The following VWC2L variants were observed in gnomAD, a reference collection of about 807,000 sequenced individuals.
VWC2L encodes the protein von Willebrand factor C domain-containing protein 2-like.
VWC2L carries 10 observed loss-of-function variants against 21.6 expected under a neutral mutation model. That is an observed-to-expected ratio of 0.46 (90% CI 0.29 to 0.78). VWC2L has a LOEUF of 0.78. Among genes scored for constraint, VWC2L ranks in the 30% least tolerant of loss-of-function variants. The pLI is 0.10. For missense variants in VWC2L, 209 were observed against 277.1 expected, an observed-to-expected ratio of 0.75 and a Z score of 1.74; for synonymous variants, 96 against 94.3, an observed-to-expected ratio of 1.02 and a Z score of -0.10.
At chr2:214,563,583 C>CAAAAAAAAAAAAAAAAAAAAA (rs1328331072) in intron 3 of VWC2L, among the ~76,000 whole-genome samples, 1 of 95,974 alleles carries the variant, frequency 1.0e-5, no homozygotes, top group African/African-American at 4.3e-5. Context: ...AAAAAAAAAT[C>CAAAAAAAAAAAAAAAAAAAAA]AAGTGGTTCT....
intron 3 of VWC2L, among the ~76,000 whole-genome samples, chr2:214,567,155 G>T (rs1319318564): frequency 1.3e-5 from 2 of 152,258 alleles, no homozygotes; most frequent in Non-Finnish European, 2.9e-5. Context: ...GCCAAAAATT[G>T]CTATACTCAA....
intron 3 of VWC2L, among the ~76,000 whole-genome samples, chr2:214,498,548 T>A (rs1260408789): frequency 2.0e-5 from 3 of 151,956 alleles, no homozygotes; most frequent in African/African-American, 4.8e-5. Flanking sequence ...GATTTTGAAA[T>A]GCTATATGAA....
intron 3 of VWC2L, among the ~76,000 whole-genome samples, chr2:214,565,102 G>A (rs1690042083): frequency 6.6e-6 from 1 of 152,154 alleles, no homozygotes; most frequent in Non-Finnish European, 1.5e-5. Flanking sequence ...TCAGCTGGAA[G>A]TTGTACTTCA....
chr2:214,533,709 A>C (rs1332535730), intron 3 of VWC2L, among the ~76,000 whole-genome samples: 1 of 152,166 alleles, frequency 6.6e-6, no homozygotes, highest in Non-Finnish European at 1.5e-5. Context: ...GAATTTCCCT[A>C]GTCATAAACA....
chr2:214,460,022 C>T (rs1476813974), intron 3 of VWC2L, among the ~76,000 whole-genome samples: 4 of 150,740 alleles, frequency 2.7e-5, no homozygotes, highest in African/African-American at 7.4e-5. Flanking sequence ...ACTCTCCTGC[C>T]TCAGCCTCGC....
intron 3 of VWC2L, among the ~76,000 whole-genome samples, chr2:214,460,623 T>C (rs1444378377): frequency 6.6e-6 from 1 of 152,198 alleles, no homozygotes; most frequent in Non-Finnish European, 1.5e-5. Context: ...CATTTGGTTC[T>C]TTTTTATAAC....
chr2:214,422,035 G>A (rs76212756), intron 2 of VWC2L, among the ~76,000 whole-genome samples: 23,115 of 149,392 alleles, frequency 0.15, 1,867 homozygotes, highest in East Asian at 0.24. Flanking sequence ...GATTACAGGC[G>A]CGTGCCACCA....
intron 3 of VWC2L, among the ~76,000 whole-genome samples, chr2:214,565,543 A>G (rs549735213): frequency 2.6e-5 from 4 of 152,338 alleles, no homozygotes; most frequent in South Asian, 4.1e-4. Context: ...GAAAATCCAC[A>G]TAGAAAAGAT....
intron 3 of VWC2L, among the ~76,000 whole-genome samples, chr2:214,550,665 G>A (rs1331232651): frequency 6.6e-6 from 1 of 152,092 alleles, no homozygotes; most frequent in South Asian, 2.1e-4. Flanking sequence ...TGTACTAAAC[G>A]AAGATTTTTT....
intron 3 of VWC2L, among the ~76,000 whole-genome samples, chr2:214,462,486 C>T (rs540802098): frequency 2.6e-5 from 4 of 152,288 alleles, no homozygotes; most frequent in South Asian, 4.1e-4. Flanking sequence ...CTTGCAGTAT[C>T]GGTTCTTTGT....
At chr2:214,554,170 C>T (rs921599989) in intron 3 of VWC2L, among the ~76,000 whole-genome samples, 1 of 152,200 alleles carries the variant, frequency 6.6e-6, no homozygotes, top group African/African-American at 2.4e-5. Flanking sequence ...AAGCCTACCT[C>T]TTCCTCAGTT....
chr2:214,492,417 A>T (rs1206738549), intron 3 of VWC2L, among the ~76,000 whole-genome samples: 2 of 152,210 alleles, frequency 1.3e-5, no homozygotes, highest in African/African-American at 2.4e-5. Flanking sequence ...TGTTTGGCAG[A>T]GCAGCTGAGG....
chr2:214,565,087 G>A (rs1690041784), intron 3 of VWC2L, among the ~76,000 whole-genome samples: 1 of 152,134 alleles, frequency 6.6e-6, no homozygotes, highest in Non-Finnish European at 1.5e-5. Flanking sequence ...GGAAATCCCT[G>A]CAAGTCAGCT....
chr2:214,470,758 T>A (rs896984059), intron 3 of VWC2L, among the ~76,000 whole-genome samples: 1 of 151,130 alleles, frequency 6.6e-6, no homozygotes, highest in African/African-American at 2.4e-5. Context: ...AAAAAAAATA[T>A]TAAAATTAGC....
intron 3 of VWC2L, among the ~76,000 whole-genome samples, chr2:214,446,450 C>T (rs1186340627): frequency 1.3e-5 from 2 of 152,164 alleles, no homozygotes; most frequent in Non-Finnish European, 2.9e-5. Flanking sequence ...CTTATACCAA[C>T]AGGATTCCCT....
rs145560316 is a variant in VWC2L, at chr2:214,491,373, G to A, written c.520+54615G>A. Among the ~76,000 whole-genome samples the A allele has an allele frequency of 1.8e-3, 279 of 152,218 alleles. 1 individual carries two copies. The highest frequency in any genetic ancestry group is 6.4e-3 in the African/African-American group (266 of 41,530). On this transcript the variant is annotated intron_variant, in intron 3 of 3. Transcript: ENST00000312504. Reference sequence around the variant, plus strand: ...CTGATTGAATGAGAATATTGAGGACGCAGAGCACGAGCAATGGGTTAAATT... The same window carrying A: ...CTGATTGAATGAGAATATTGAGGACACAGAGCACGAGCAATGGGTTAAATT...
chr2:214,469,070 C>A lies in VWC2L; in HGVS notation c.520+32312C>A, dbSNP rs1358752760. Reference sequence around the variant, plus strand: ...ATAAAAATAATCATTTTTAAAACTTCTTTGTTATCAAAAATGTCACAAAAA... The same window carrying A: ...ATAAAAATAATCATTTTTAAAACTTATTTGTTATCAAAAATGTCACAAAAA... On this transcript the variant is annotated intron_variant, in intron 3 of 3. Transcript: ENST00000312504. 6.8e-5 allele frequency among the ~76,000 whole-genome samples: 8 copies of A among 117,572 alleles called. 1 individual carries two copies. The highest frequency in any genetic ancestry group is 1.6e-4 in the Non-Finnish European group (8 of 50,388). The allele number at this position is 117,572 out of a possible 152,430, so 77.1% of individuals were successfully genotyped here.
chr2:214,423,210 T>A (rs2126172982), intron 2 of VWC2L, among the ~76,000 whole-genome samples: 1 of 152,298 alleles, frequency 6.6e-6, no homozygotes, highest in Non-Finnish European at 1.5e-5. Flanking sequence ...TTTCTGTTTG[T>A]AAAAAGGCAG....
chr2:214,493,576 C>G (rs1042406133), intron 3 of VWC2L, among the ~76,000 whole-genome samples: 1 of 152,140 alleles, frequency 6.6e-6, no homozygotes, highest in Admixed American at 6.6e-5. Context: ...TATTGGTTTT[C>G]TATCCCACCA....
Sources: gnomAD v4.1 joint callset for allele counts (sites outside exome capture counted in the v4.1 genomes callset) on GRCh38, gnomAD v4.1.1 for gene constraint, MANE v1.5 for transcripts, NCBI Gene and HGNC (gene_info 2026-07-23, HGNC 2026-07-21) for gene names.